Variants in SESN1 observed in about 807,000 individuals in gnomAD.
SESN1 encodes sestrin 1.
A neutral mutation model predicts 59.3 loss-of-function variants in SESN1; 30 were observed. That is an observed-to-expected ratio of 0.51 (90% CI 0.38 to 0.69). SESN1 has a LOEUF of 0.69. SESN1 is among the 30% of genes least tolerant of loss of function. The probability of loss-of-function intolerance (pLI) is 0.00; values close to 1 mark genes in which losing one functional copy is unlikely to be tolerated. For missense variants in SESN1, 566 were observed against 673.0 expected, an observed-to-expected ratio of 0.84 and a Z score of 1.76; for synonymous variants, 197 against 219.9, an observed-to-expected ratio of 0.90 and a Z score of 0.92.
At chr6:109,015,298 T>C (rs1779913776) in intron 1 of SESN1, among the ~76,000 whole-genome samples, 1 of 152,166 alleles carries the variant, frequency 6.6e-6, no homozygotes, top group Admixed American at 6.5e-5. Flanking sequence ...CCTTTGATTT[T>C]TTCTTTGATA....
At chr6:109,066,654 A>C (rs1780831597) in intron 1 of SESN1, among the ~76,000 whole-genome samples, 1 of 152,206 alleles carries the variant, frequency 6.6e-6, no homozygotes. Flanking sequence ...AAGTAGAAAA[A>C]AGAGGCTCAT....
At chr6:108,999,949 G>A (rs921334889) in intron 4 of SESN1, 2 of 152,132 alleles carry the variant, frequency 1.3e-5, no homozygotes, top group African/African-American at 4.8e-5. Flanking sequence ...GAATTATTCA[G>A]TGATAAAAAG....
chr6:109,094,324 C>T lies in SESN1; in HGVS notation c.-251G>A, dbSNP rs1197211974. 1 of 509,404 alleles carries T rather than the reference C, an allele frequency of 2.0e-6. No individual in the cohort carries two copies. The highest frequency in any genetic ancestry group is 3.5e-6 in the Non-Finnish European group (1 of 287,344). 31.6% of individuals were successfully genotyped at this position (509,404 alleles called of 1,614,324 possible). A position where few individuals can be genotyped will look rare whatever the true frequency, so the allele number is the denominator to read the frequency against. On this transcript the variant is annotated 5_prime_UTR_variant, in exon 1 of 10. Transcript: ENST00000436639. Reference sequence around the variant, plus strand: ...GAAAAACAAAGTTTGAAAGTTGCAACCTTGCAGCGCTGGCTTTGGTGGGCA... The same window carrying T: ...GAAAAACAAAGTTTGAAAGTTGCAATCTTGCAGCGCTGGCTTTGGTGGGCA...
At chr6:109,026,678 T>C (rs535650188) in intron 1 of SESN1, among the ~76,000 whole-genome samples, 1 of 152,006 alleles carries the variant, frequency 6.6e-6, no homozygotes, top group Non-Finnish European at 1.5e-5. Flanking sequence ...CTAATTTTTG[T>C]ATTTTTAGTA....
At chr6:109,065,192 A>G (rs769655567) in intron 1 of SESN1, among the ~76,000 whole-genome samples, 30 of 152,114 alleles carry the variant, frequency 2.0e-4, no homozygotes, top group Non-Finnish European at 7.4e-5. Flanking sequence ...TTATAAGCAT[A>G]TATTTTCCTT....
chr6:109,005,130 T>A (rs1362128713), intron 1 of SESN1, among the ~76,000 whole-genome samples: 1 of 152,240 alleles, frequency 6.6e-6, no homozygotes, highest in African/African-American at 2.4e-5. Flanking sequence ...GGATAACCAC[T>A]GCAACATTGT....
intron 1 of SESN1, among the ~76,000 whole-genome samples, chr6:109,060,186 C>T (rs928878150): frequency 8.6e-5 from 13 of 151,980 alleles, no homozygotes; most frequent in African/African-American, 3.1e-4. Context: ...AAAAGCCACA[C>T]CACTAAATAA....
Position 109,078,416 on chromosome 6 carries a change from C to T in SESN1, c.279+15379G>A, listed in dbSNP as rs933675036. ...TAAAATATAAATATAAATAATAATC[C>T]TTTATGTCTATAATCCCTGCTGTTT... On this transcript the variant is annotated intron_variant, in intron 1 of 9. Coordinates refer to ENST00000436639, the MANE Select transcript of SESN1 (RefSeq NM_014454.3). 2.6e-5 allele frequency among the ~76,000 whole-genome samples: 4 copies of T among 152,018 alleles called. No homozygotes were observed. The East Asian group carries it at 5.8e-4, about 22-fold the overall frequency.
intron 1 of SESN1, among the ~76,000 whole-genome samples, chr6:109,039,128 GAGAA>G (rs1419523398): frequency 7.4e-6 from 1 of 136,052 alleles, no homozygotes; most frequent in East Asian, 2.3e-4. Context: ...GGAGGAGAAG[GAGAA>G]AGAAAGAAGA....
Position 109,006,208 on chromosome 6 carries a change from C to G in SESN1, c.280-3865G>C, listed in dbSNP as rs1286040541. Among the ~76,000 whole-genome samples the G allele has an allele frequency of 2.0e-5, 3 of 152,100 alleles. No homozygotes were observed. In the East Asian group the frequency reaches 5.8e-4, roughly 29 times the overall value. On this transcript the variant is annotated intron_variant, in intron 1 of 9. Coordinates refer to ENST00000436639, the MANE Select transcript of SESN1 (RefSeq NM_014454.3). ...TGTTCTACAATATTCATGAAAAAGT[C>G]AAGAGTCTTAGATTAATCCTTACCT...
intron 1 of SESN1, among the ~76,000 whole-genome samples, chr6:109,010,436 G>A (rs1779838547): frequency 6.6e-6 from 1 of 152,108 alleles, no homozygotes; most frequent in South Asian, 2.1e-4. Context: ...TAAGTGCTCA[G>A]GTTAAAAAAC....
chr6:109,015,332 T>C (rs1282553391), intron 1 of SESN1, among the ~76,000 whole-genome samples: 1 of 152,186 alleles, frequency 6.6e-6, no homozygotes, highest in Non-Finnish European at 1.5e-5. Flanking sequence ...TCTCCTGCAC[T>C]ACCAGGCTAG....
At chr6:109,049,004 A>G (rs1780498244) in intron 1 of SESN1, among the ~76,000 whole-genome samples, 1 of 152,208 alleles carries the variant, frequency 6.6e-6, no homozygotes, top group African/African-American at 2.4e-5. Flanking sequence ...CTTTTTGCTT[A>G]GCACGCTTCT....
chr6:109,042,613 T>C (rs754697384), intron 1 of SESN1, among the ~76,000 whole-genome samples: 1 of 151,634 alleles, frequency 6.6e-6, no homozygotes, highest in Non-Finnish European at 1.5e-5. Context: ...TTTGACAAGT[T>C]AGACAAAATG....
intron 6 of SESN1, among the ~76,000 whole-genome samples, chr6:108,993,269 CTTAGA>C (rs1182574940): frequency 1.3e-5 from 2 of 152,032 alleles, no homozygotes; most frequent in African/African-American, 2.4e-5. Flanking sequence ...AAATTTAGCA[CTTAGA>C]TTATTTTTGT....
At chr6:109,041,508 ATTG>A (rs1215152767) in intron 1 of SESN1, among the ~76,000 whole-genome samples, 1 of 149,946 alleles carries the variant, frequency 6.7e-6, no homozygotes, top group Admixed American at 6.7e-5. Flanking sequence ...ATTTACCATA[ATTG>A]TTGTTTTACT....
intron 1 of SESN1, among the ~76,000 whole-genome samples, chr6:109,028,703 T>G (rs1341858009): frequency 6.6e-6 from 1 of 152,144 alleles, no homozygotes; most frequent in Non-Finnish European, 1.5e-5. Flanking sequence ...ACACATACCA[T>G]AGAAGCAAAG....
chr6:109,046,192 T>C (rs1276816682), intron 1 of SESN1, among the ~76,000 whole-genome samples: 3 of 146,276 alleles, frequency 2.1e-5, no homozygotes, highest in Non-Finnish European at 3.0e-5. Context: ...GCAACCTCCC[T>C]GCCTGATTCT....
Position 108,998,759 on chromosome 6 carries a change from AG to A in SESN1, c.730-5del, listed in dbSNP as rs35551072. On this transcript the variant is annotated splice_polypyrimidine_tract_variant and splice_region_variant and intron_variant, in intron 4 of 9. Transcript: ENST00000436639. ...GCTCTTCAGCTTTTAAAAGTCCCTT[AG>A]GGGGAAAAAAAAAAAGAATATATTT... is the stretch of plus-strand genomic sequence containing the variant. 5 of 1,598,544 alleles carry A rather than the reference AG, an allele frequency of 3.1e-6. No homozygotes were observed. The highest frequency in any genetic ancestry group is 1.3e-5 in the African/African-American group (1 of 74,268).
Sources: gnomAD v4.1 joint callset for allele counts (sites outside exome capture counted in the v4.1 genomes callset) on GRCh38, gnomAD v4.1.1 for gene constraint, MANE v1.5 for transcripts, NCBI Gene and HGNC (gene_info 2026-07-23, HGNC 2026-07-21) for gene names.